Variants in RNF17 observed in about 807,000 individuals in gnomAD.
RNF17 encodes the protein spermatogenesis associated 23.
A neutral mutation model predicts 200.5 loss-of-function variants in RNF17; 31 were observed. The observed-to-expected ratio is 0.15, with a 90% CI of 0.12 to 0.21. The LOEUF is 0.21. Ranked by LOEUF, RNF17 falls within the 10% of genes least tolerant of loss-of-function variation. The pLI is 1.00. For synonymous variants in RNF17, 606 were observed against 637.8 expected (o/e 0.95, Z 0.75); for missense variants, 1,628 against 1,905.1 (o/e 0.85, Z 2.71).
intron 10 of RNF17, among the ~76,000 whole-genome samples, chr13:24,793,914 A>T (rs17081178): frequency 0.062 from 9,431 of 152,104 alleles, 420 homozygotes; most frequent in East Asian, 0.16. Flanking sequence ...ATTTTCCCCT[A>T]CCCGTTGTCT....
chr13:24,822,595 A>G (rs1888196894), intron 15 of RNF17, among the ~76,000 whole-genome samples: 1 of 151,846 alleles, frequency 6.6e-6, no homozygotes. Flanking sequence ...CTAATGTTGT[A>G]TTTTTAGTAG....
the RNF17 span, among the ~76,000 whole-genome samples, chr13:24,747,843 A>AG: frequency 2.6e-5 from 4 of 152,254 alleles, no homozygotes; most frequent in African/African-American, 9.6e-5. Context: ...TGGAAGCCGC[A>AG]GGGGCTCTAA....
At chr13:24,797,705 A>AGT (rs777888152) in intron 11 of RNF17, among the ~76,000 whole-genome samples, 137 of 119,092 alleles carry the variant, frequency 1.2e-3, no homozygotes, top group East Asian at 3.3e-3. Flanking sequence ...AGAGACAAAG[A>AGT]GTGTGTGTGT....
intron 32 of RNF17, 71 bp downstream of exon 32, chr13:24,870,810 C>T: frequency 7.9e-7 from 1 of 1,265,806 alleles, no homozygotes; most frequent in Non-Finnish European, 1.1e-6. Flanking sequence ...GGGCTGATGA[C>T]CTTGGGCTAT....
intron 4 of RNF17, 34 bp downstream of exon 4, chr13:24,778,440 G>A (rs535427645): frequency 2.2e-6 from 3 of 1,380,224 alleles, no homozygotes; most frequent in Admixed American, 1.7e-5. Context: ...GTACGATGAA[G>A]GCAAACGTTT....
At chr13:24,817,687 C>T (rs2137892202) in intron 15 of RNF17, among the ~76,000 whole-genome samples, 1 of 151,684 alleles carries the variant, frequency 6.6e-6, no homozygotes, top group Non-Finnish European at 1.5e-5. Context: ...CCACTGCATT[C>T]CAGCCTGGGT....
At chr13:24,809,649 G>C (rs1593307740) in intron 15 of RNF17, among the ~76,000 whole-genome samples, 1 of 151,852 alleles carries the variant, frequency 6.6e-6, no homozygotes, top group South Asian at 2.1e-4. Flanking sequence ...CTTCAGTTCT[G>C]CTCTGATTTT....
At chr13:24,754,191 A>G in the RNF17 span, among the ~76,000 whole-genome samples, 1 of 151,958 alleles carries the variant, frequency 6.6e-6, no homozygotes, top group African/African-American at 2.4e-5. Flanking sequence ...AATAAAATAA[A>G]TAGAAAAAAA....
chr13:24,827,594 T>C (rs369748938), intron 16 of RNF17, among the ~76,000 whole-genome samples: 7 of 145,586 alleles, frequency 4.8e-5, no homozygotes, highest in South Asian at 2.2e-4. Flanking sequence ...CCCAGCTACT[T>C]GGGAGGCTGA....
chr13:24,792,962 G>T, intron 9 of RNF17, 80 bp from the exon 10 acceptor site: 1 of 925,628 alleles, frequency 1.1e-6, no homozygotes, highest in Non-Finnish European at 1.6e-6. Context: ...AATGTCCATG[G>T]TGGGAGTTTC....
intron 22 of RNF17, 88 bp downstream of exon 22, chr13:24,845,167 A>G (rs1891119009): frequency 1.3e-6 from 1 of 741,882 alleles, no homozygotes; most frequent in South Asian, 1.9e-5. Flanking sequence ...ATATTCTGAA[A>G]TTTTCCTAAA....
the RNF17 span, among the ~76,000 whole-genome samples, chr13:24,752,416 C>T: frequency 6.6e-6 from 1 of 152,198 alleles, no homozygotes; most frequent in Non-Finnish European, 1.5e-5. Context: ...TTGGGAAATC[C>T]TGTCATTCGC....
At chr13:24,749,891 A>C in the RNF17 span, among the ~76,000 whole-genome samples, 1 of 152,200 alleles carries the variant, frequency 6.6e-6, no homozygotes, top group Non-Finnish European at 1.5e-5. Flanking sequence ...CTAGGACTAC[A>C]GGCATGCGAC....
intron 9 of RNF17, among the ~76,000 whole-genome samples, chr13:24,791,842 A>G (rs1357417331): frequency 6.6e-6 from 1 of 152,220 alleles, no homozygotes; most frequent in Non-Finnish European, 1.5e-5. Flanking sequence ...AATTGTGAAC[A>G]GGGACTAGAA....
At chr13:24,774,190 T>C (rs947645722) in intron 2 of RNF17, among the ~76,000 whole-genome samples, 3 of 150,342 alleles carry the variant, frequency 2.0e-5, no homozygotes, top group African/African-American at 7.3e-5. Flanking sequence ...GTTTTGAACA[T>C]ATGTTACTAT....
intron 31 of RNF17, among the ~76,000 whole-genome samples, 155 bp from the exon 32 acceptor site, chr13:24,870,416 G>C (rs1178407383): frequency 6.6e-6 from 1 of 152,134 alleles, no homozygotes; most frequent in African/African-American, 2.4e-5. Flanking sequence ...AGATAAGTGT[G>C]GTAGGATGTG....
intron 2 of RNF17, among the ~76,000 whole-genome samples, chr13:24,772,748 C>T (rs1880956937): frequency 6.6e-6 from 1 of 151,902 alleles, no homozygotes; most frequent in Non-Finnish European, 1.5e-5. Flanking sequence ...GCAGCTGGGA[C>T]TACAGGCGTC....
At chr13:24,839,887 C>G (rs991116862) in intron 18 of RNF17, among the ~76,000 whole-genome samples, 4 of 152,080 alleles carry the variant, frequency 2.6e-5, no homozygotes, top group Non-Finnish European at 4.4e-5. Context: ...TAGCTGGGAC[C>G]TAATTGAACT....
intron 25 of RNF17, among the ~76,000 whole-genome samples, chr13:24,856,150 G>A (rs1216351754): frequency 6.6e-6 from 1 of 152,116 alleles, no homozygotes; most frequent in African/African-American, 2.4e-5. Context: ...GCCAGGCGCA[G>A]TGGCTCATGC....
Sources: allele counts gnomAD v4.1 joint callset (sites outside exome capture counted in the v4.1 genomes callset), GRCh38; gene constraint gnomAD v4.1.1; transcripts MANE v1.5; gene names NCBI Gene and HGNC (gene_info 2026-07-23, HGNC 2026-07-21).